The following DNAH1 variants were observed in gnomAD, a reference collection of about 807,000 sequenced individuals.
DNAH1 encodes the protein dynein axonemal heavy chain 1.
Under a neutral mutation model 484.3 loss-of-function variants are expected in DNAH1, and 327 were observed. The observed-to-expected ratio is 0.68, with a 90% CI of 0.62 to 0.74. DNAH1 has a LOEUF of 0.74. DNAH1 is among the 30% of genes least tolerant of loss of function. The pLI is 0.00. For missense variants in DNAH1, 5,052 were observed against 5,546.8 expected (o/e 0.91, Z 2.83); for synonymous variants, 2,192 against 2,191.9 (o/e 1.00, Z 0.00).
rs74969081 is a variant in DNAH1, at chr3:52,377,112, A to G, written c.7198+1119A>G. ...ACTCCCAAGTCTACCTCCTCAGCCC[A>G]GACCTCTCCCATGAATGCCTGATTC... On this transcript the variant is annotated intron_variant, in intron 46 of 77. Transcript: ENST00000420323. Among the ~76,000 whole-genome samples the G allele has an allele frequency of 3.7e-3, 560 of 152,246 alleles. 5 individuals carry two copies. The highest frequency in any genetic ancestry group is 0.013 in the African/African-American group (520 of 41,552).
chr3:52,388,823 G>A lies in DNAH1; in HGVS notation c.9381G>A (p.Ser3127=), dbSNP rs1432994135. The A allele has an allele frequency of 3.7e-6, 6 of 1,613,620 alleles. No homozygotes were observed. The highest frequency in any genetic ancestry group is 1.1e-5 in the South Asian group (1 of 91,062). Residue 3127 remains serine, a synonymous_variant, in exon 59 of 78, where the codon TCG becomes TCA. Transcript: ENST00000420323. The part of the protein sequence containing the change: ...GRAGKLINGL[S]DEKVRWQETV... ...CCCTCCAGCTCATCAACGGGCTGTCGGATGAGAAGGTGCGCTGGCAGGAGA... is the reference window on the plus strand; with the variant it reads ...CCCTCCAGCTCATCAACGGGCTGTCAGATGAGAAGGTGCGCTGGCAGGAGA...
chr3:52,380,268 C>T (rs1703787354), intron 48 of DNAH1, 133 bp downstream of exon 48: 1 of 741,524 alleles, frequency 1.3e-6, no homozygotes, highest in Non-Finnish European at 2.2e-6. Context: ...CGGGGTAAGA[C>T]AGCCAGCTCC....
Position 52,347,831 on chromosome 3 carries a change from A to G in DNAH1, c.1963A>G (p.Lys655Glu), listed in dbSNP as rs758767808. ...GCTCGCCATTGCCTGCAGGCCCCGG[A>G]AGAATCCCCTGTTCATCATGGACCT... The part of the protein sequence containing the change: ...DLINSPYRPR[K>E]NPLFIMDLVL... Residue 655 changes from lysine to glutamate, a missense_variant, in exon 12 of 78, where the codon AAG becomes GAG. By Grantham distance (56) the Lys-to-Glu change is moderately conservative. This residue lies in a region of DNAH1 where 1,263 missense variants were observed against 1,218.8 expected (regional missense o/e 1.04). Coordinates refer to ENST00000420323, the MANE Select transcript of DNAH1 (RefSeq NM_015512.5). 8 of 1,588,892 alleles carry G rather than the reference A, an allele frequency of 5.0e-6. No individual in the cohort carries two copies. In the East Asian group the frequency reaches 9.1e-5, roughly 18 times the overall value.
Position 52,354,634 on chromosome 3 carries a change from G to GAA in DNAH1, c.3481-194_3481-193dup, listed in dbSNP as rs551410758. Reference sequence around the variant, plus strand: ...GGCTACAGAGCGAGACTCCACCTCAGAAAAAAAAAAAAAAAAGAGTGAATT... The same window carrying GAA: ...GGCTACAGAGCGAGACTCCACCTCAGAAAAAAAAAAAAAAAAAAGAGTGAATT... On this transcript the variant is annotated intron_variant, in intron 20 of 77. Coordinates refer to ENST00000420323, the MANE Select transcript of DNAH1 (RefSeq NM_015512.5). Among the ~76,000 whole-genome samples, 44 of 114,434 alleles carry GAA rather than the reference G, an allele frequency of 3.8e-4. No homozygotes were observed. In the South Asian group the frequency reaches 4.4e-3, roughly 11 times the overall value. 75.1% of individuals were successfully genotyped at this position (114,434 alleles called of 152,430 possible).
chr3:52,398,330 G>T (rs898998685), intron 75 of DNAH1, among the ~76,000 whole-genome samples, 168 bp downstream of exon 75: 1 of 152,158 alleles, frequency 6.6e-6, no homozygotes, highest in Non-Finnish European at 1.5e-5. Context: ...TTGCCATGCT[G>T]GAGTGCAGCG....
intron 23 of DNAH1, 21 bp downstream of exon 23, chr3:52,357,756 C>A (rs1156333906): frequency 6.4e-7 from 1 of 1,571,932 alleles, no homozygotes; most frequent in Non-Finnish European, 8.6e-7. Context: ...CCTGGCCATG[C>A]CCACTCCGCC....
At position 52,361,296 on chromosome 3, in the gene DNAH1, C is replaced by T. The variant is rs1198918082; in HGVS notation, c.4818C>T (p.Asn1606=). Residue 1606 remains asparagine (N), a synonymous_variant, in exon 29 of 78, where the codon AAC becomes AAT. Transcript: ENST00000420323. The surrounding 1 kb of genome is among the most constrained non-coding windows in gnomAD (Gnocchi z 5.6). ...KALAIQTVVF[N]CSDQLDFMAM... is the part of the protein sequence containing the mutation. ...TGGCCATACAGACCGTTGTGTTCAACTGCTCTGACCAGCTCGACTTCATGG... is the reference window on the plus strand; with the variant it reads ...TGGCCATACAGACCGTTGTGTTCAATTGCTCTGACCAGCTCGACTTCATGG... 9.3e-6 allele frequency: 15 copies of T among 1,609,594 alleles called. No homozygotes were observed. The highest frequency in any genetic ancestry group is 1.3e-5 in the Non-Finnish European group (15 of 1,178,114).
At chr3:52,365,521 G>A (rs1483430566) in intron 34 of DNAH1, among the ~76,000 whole-genome samples, 1 of 152,168 alleles carries the variant, frequency 6.6e-6, no homozygotes, top group Non-Finnish European at 1.5e-5. Context: ...TTGTTGCAAA[G>A]GCCACCATGT....
At chr3:52,374,085 C>A in intron 44 of DNAH1, 3 of 1,050,096 alleles carry the variant, frequency 2.9e-6, no homozygotes, top group African/African-American at 1.6e-5. Flanking sequence ...AGTGAAGATC[C>A]TCAGGAGAGA....
chr3:52,380,251 C>T (rs1703786459), intron 48 of DNAH1, 116 bp downstream of exon 48: 1 of 922,624 alleles, frequency 1.1e-6, no homozygotes, highest in African/African-American at 1.7e-5. Flanking sequence ...ACCAGGGGGC[C>T]AGGACGCGGG....
In DNAH1 at chr3:52,368,864, G is replaced by A. The variant is rs1272485612; in HGVS notation, c.5889G>A (p.Leu1963=). The A allele has an allele frequency of 6.2e-7, 1 of 1,613,892 alleles. No homozygotes were observed. Among genetic ancestry groups the A allele is most frequent in the Non-Finnish European group, 8.5e-7 (1 of 1,179,910 alleles). The change falls in exon 37 of 78, where the codon CTG becomes CTA. Residue 1963 remains leucine, a synonymous_variant. Transcript: ENST00000420323. The surrounding 1 kb of genome is among the most constrained non-coding windows in gnomAD (Gnocchi z 4.4). ...AIWIENMNTV[L]DDNKKLCLSS... ...GGATTGAGAACATGAACACGGTGCT[G>A]GATGACAACAAGAAGCTGTGCCTCA...
At chr3:52,319,074 T>C (rs1462013311) in intron 1 of DNAH1, among the ~76,000 whole-genome samples, 1 of 152,226 alleles carries the variant, frequency 6.6e-6, no homozygotes, top group East Asian at 1.9e-4. Flanking sequence ...GACCTCAGTT[T>C]CCATTCTGGT....
chr3:52,347,247 G>A (rs1404950232), intron 11 of DNAH1, among the ~76,000 whole-genome samples: 1 of 152,160 alleles, frequency 6.6e-6, no homozygotes, highest in African/African-American at 2.4e-5. Context: ...CAGGCGGAGA[G>A]ATCAGCATGG....
At position 52,390,961 on chromosome 3, in the gene DNAH1, G is replaced by A. The variant is rs371257378; in HGVS notation, c.9648G>A (p.Leu3216=). ...TCGCTGGCCTCCCCAACGACACACT[G>A]TCAGTGGAGAACGGGGTCATCAACC... ...WQIAGLPNDT[L]SVENGVINQF... is the part of the protein sequence containing the mutation. The change falls in exon 61 of 78, where the codon CTG becomes CTA. Residue 3216 remains leucine, a synonymous_variant. Transcript: ENST00000420323. The A allele has an allele frequency of 6.4e-7, 1 of 1,552,306 alleles. No homozygotes were observed. The highest frequency in any genetic ancestry group is 1.2e-5 in the South Asian group (1 of 84,070).
intron 4 of DNAH1, among the ~76,000 whole-genome samples, 152 bp downstream of exon 4, chr3:52,326,466 A>G (rs1315633606): frequency 1.3e-5 from 2 of 152,318 alleles, no homozygotes; most frequent in East Asian, 3.9e-4. Flanking sequence ...TGGTGTCTTA[A>G]TAGGAACAAT....
In DNAH1 at chr3:52,370,528, G is replaced by A. The variant is rs747985351; in HGVS notation, c.6310G>A (p.Glu2104Lys). ...EKLSRIVELI[E>K]PWFIFSLIWS... ...GCTGAGTCGCATCGTAGAGTTGATC[G>A]AGCCCTGGTTCATCTTCTCCCTGAT... is the stretch of plus-strand genomic sequence containing the variant. The change falls in exon 40 of 78, where the codon GAG becomes AAG. Residue 2104 changes from glutamate to lysine, a missense_variant. Physicochemically the swap from Glu to Lys is moderately conservative, Grantham distance 56. This residue lies in a region of DNAH1 where 2,929 missense variants were observed against 3,409.4 expected (regional missense o/e 0.86). Coordinates refer to ENST00000420323, the MANE Select transcript of DNAH1 (RefSeq NM_015512.5). The A allele has an allele frequency of 6.2e-6, 10 of 1,613,814 alleles. No homozygotes were observed. Among genetic ancestry groups the A allele is most frequent in the Admixed American group, 3.3e-5 (2 of 59,996 alleles).
chr3:52,368,733 C>G lies in DNAH1; in HGVS notation c.5766-8C>G. The G allele has an allele frequency of 6.2e-7, 1 of 1,608,840 alleles. No individual in the cohort carries two copies. The highest frequency in any genetic ancestry group is 8.5e-7 in the Non-Finnish European group (1 of 1,176,482). On this transcript the variant is annotated splice_region_variant and splice_polypyrimidine_tract_variant and intron_variant, in intron 36 of 77. Coordinates refer to ENST00000420323, the MANE Select transcript of DNAH1 (RefSeq NM_015512.5). This position sits in a 1 kb window ranked among gnomAD's most constrained non-coding sequence, Gnocchi z 4.4. Reference sequence around the variant, plus strand: ...ATGTTTCCAGCCCTCTCCTCCCTGGCGCTGCAGGACAGACGGGATATTCTC... The same window carrying G: ...ATGTTTCCAGCCCTCTCCTCCCTGGGGCTGCAGGACAGACGGGATATTCTC...
rs780749474 is a variant in DNAH1, at chr3:52,396,774, G to A, written c.11587G>A (p.Glu3863Lys). Residue 3863 changes from glutamate (E) to lysine (K), a missense_variant, in exon 72 of 78, where the codon GAA (glutamate) becomes AAA (lysine). Around this residue, in one of 4 missense-constraint regions of DNAH1, gnomAD observed 853 missense variants for 899.0 expected, o/e 0.95. Coordinates refer to ENST00000420323, the MANE Select transcript of DNAH1 (RefSeq NM_015512.5). ...CISQLKMFLD[E>K]YDDIPYKVLK... ...CAGCCAGCTCAAGATGTTCCTGGAC[G>A]AATATGATGACATCCCCTACAAGGT... 16 of 1,613,550 alleles carry A rather than the reference G, an allele frequency of 9.9e-6. No individual in the cohort carries two copies. The highest frequency in any genetic ancestry group is 5.5e-5 in the South Asian group (5 of 91,082).
In DNAH1 at chr3:52,370,230, G is replaced by A. The variant is rs916136848; in HGVS notation, c.6258+1G>A. The A allele has an allele frequency of 6.2e-7, 1 of 1,613,454 alleles. No individual in the cohort carries two copies. The highest frequency in any genetic ancestry group is 1.3e-5 in the African/African-American group (1 of 74,918). ...CTTCAAGCCCTTTCTGCCTAGAGAG[G>A]TACAGCCCTGAGAGTGGGGCTAGAT... is the stretch of plus-strand genomic sequence containing the variant. On this transcript the variant is annotated splice_donor_variant, in intron 39 of 77. Transcript: ENST00000420323. LOFTEE classifies it high-confidence loss of function.
Sources: allele counts gnomAD v4.1 joint callset (sites outside exome capture counted in the v4.1 genomes callset), GRCh38; gene constraint gnomAD v4.1.1; regional missense constraint gnomAD v4.1.1; non-coding constraint Gnocchi (gnomAD v3.1); transcripts MANE v1.5; gene names NCBI Gene and HGNC (gene_info 2026-07-23, HGNC 2026-07-21).